The following DIDO1 variants were observed in gnomAD, a reference collection of about 807,000 sequenced individuals.
The protein encoded by DIDO1 is death-inducer obliterator 1.
Under a neutral mutation model 99.4 loss-of-function variants are expected in DIDO1, and 16 were observed. That is an observed-to-expected ratio of 0.16 (90% CI 0.11 to 0.24). The LOEUF (loss-of-function observed/expected upper bound fraction) is 0.24. DIDO1 is among the 10% of genes least tolerant of loss of function. DIDO1 has a pLI of 1.00. For synonymous variants in DIDO1, 1,366 were observed against 1,239.1 expected (o/e 1.10, Z -2.15); for missense variants, 2,996 against 3,014.0 (o/e 0.99, Z 0.14).
chr20:62,905,319 T>C (rs2064776526), intron 6 of DIDO1: 6 of 1,423,498 alleles, frequency 4.2e-6, no homozygotes, highest in South Asian at 3.0e-5. Flanking sequence ...TGTGGGTGTG[T>C]AGCGTGTGAA....
upstream of DIDO1, chr20:62,928,589 G>A (rs562703131): frequency 1.3e-5 from 2 of 152,356 alleles, no homozygotes; most frequent in African/African-American, 2.4e-5. Context: ...TACAGTCTGG[G>A]TATTTGAATT....
chr20:62,930,311 C>T (rs532456770), upstream of DIDO1, among the ~76,000 whole-genome samples: 1 of 152,140 alleles, frequency 6.6e-6, no homozygotes, highest in Non-Finnish European at 1.5e-5. Flanking sequence ...AAGGCAACTT[C>T]ACAGAATTCA....
upstream of DIDO1, chr20:62,929,120 C>G (rs919291271): frequency 2.0e-5 from 3 of 152,252 alleles, no homozygotes; most frequent in Non-Finnish European, 4.4e-5. Flanking sequence ...CGCTTAGTCC[C>G]GTGAAAGCGA....
chr20:62,882,667 T>G (rs2064231519), intron 15 of DIDO1, among the ~76,000 whole-genome samples: 1 of 152,110 alleles, frequency 6.6e-6, no homozygotes, highest in Non-Finnish European at 1.5e-5. Context: ...CGGAGCCATG[T>G]GAAGGGGGCG....
intron 6 of DIDO1, among the ~76,000 whole-genome samples, chr20:62,898,724 T>C (rs1444648601): frequency 6.6e-6 from 1 of 152,172 alleles, no homozygotes; most frequent in Non-Finnish European, 1.5e-5. Flanking sequence ...CACTCATTCC[T>C]GTTGGAGCTG....
rs2064144609 is a variant in DIDO1 at position 62,878,715 on chromosome 20, T to C, written c.*518A>G. On this transcript the variant is annotated 3_prime_UTR_variant, in exon 16 of 16. Transcript: ENST00000395343. ...TCCCAGTTGAAAATTGTAATTCCAATTTTATGACAAAAGAAAGATGCATTT... is the reference window on the plus strand; with the variant it reads ...TCCCAGTTGAAAATTGTAATTCCAACTTTATGACAAAAGAAAGATGCATTT... 1 of 152,408 alleles carries C rather than the reference T, an allele frequency of 6.6e-6. No individual in the cohort carries two copies. Among genetic ancestry groups the C allele is most frequent in the Admixed American group, 6.5e-5 (1 of 15,294 alleles). 9.4% of individuals were successfully genotyped at this position (152,408 alleles called of 1,614,324 possible).
In DIDO1 at chr20:62,880,456, G is replaced by A; in HGVS notation, c.5500C>T (p.Pro1834Ser). ...AATTGGGATGGTGCCACTCCTCGTG[G>A]TCCACCAAGGTAAGAGGGTGAGGGG... ...RGPSPSYLGG[P>S]RGVAPSQFEE... is the part of the protein sequence containing the mutation. The change falls in exon 16 of 16, where the codon CCA (proline) becomes TCA (serine). Residue 1834 changes from proline (P) to serine (S), a missense_variant. Pro to Ser is a moderately conservative substitution (Grantham distance 74, BLOSUM62 -1). This residue lies in a region of DIDO1 where 1,562 missense variants were observed against 1,412.6 expected (regional missense o/e 1.11). Coordinates refer to ENST00000395343, the MANE Select transcript of DIDO1 (RefSeq NM_001193369.2). The A allele has an allele frequency of 6.2e-7, 1 of 1,612,926 alleles. No individual in the cohort carries two copies. Among genetic ancestry groups the A allele is most frequent in the Non-Finnish European group, 8.5e-7 (1 of 1,180,010 alleles).
intron 6 of DIDO1, among the ~76,000 whole-genome samples, chr20:62,903,570 G>C (rs981891634): frequency 6.6e-6 from 1 of 152,236 alleles, no homozygotes; most frequent in Non-Finnish European, 1.5e-5. Flanking sequence ...GCCTACAAAA[G>C]TGCAGAGGTG....
In DIDO1 at chr20:62,881,672, G is replaced by T; in HGVS notation, c.4284C>A (p.Pro1428=). ...CTTCTTCTAAGATGGTCTCATCCTCGGGGTCATAGGCCACCTCTTCCCGCT... is the reference window on the plus strand; with the variant it reads ...CTTCTTCTAAGATGGTCTCATCCTCTGGGTCATAGGCCACCTCTTCCCGCT... The part of the protein sequence containing the change: ...AAEREEVAYD[P]EDETILEEAK... Residue 1428 remains proline (P), a synonymous_variant, in exon 16 of 16, where the codon CCC becomes CCA. Transcript: ENST00000395343. The surrounding 1 kb of genome is among the most constrained non-coding windows in gnomAD (Gnocchi z 8.3). The T allele has an allele frequency of 6.2e-7, 1 of 1,612,716 alleles. No individual in the cohort carries two copies. Among genetic ancestry groups the T allele is most frequent in the Non-Finnish European group, 8.5e-7 (1 of 1,180,008 alleles).
At position 62,879,485 on chromosome 20, in the gene DIDO1, G is replaced by A. The variant is rs2064158805; in HGVS notation, c.6471C>T (p.Arg2157=). The A allele has an allele frequency of 7.6e-6, 12 of 1,588,602 alleles. No individual in the cohort carries two copies. The highest frequency in any genetic ancestry group is 1.7e-4 in the Middle Eastern group (1 of 6,048). The change falls in exon 16 of 16, where the codon CGC becomes CGT. Residue 2157 remains arginine, a synonymous_variant. Coordinates refer to ENST00000395343, the MANE Select transcript of DIDO1 (RefSeq NM_001193369.2). The surrounding 1 kb of genome is among the most constrained non-coding windows in gnomAD (Gnocchi z 6.3). The part of the protein sequence containing the change: ...WDRNRERSAN[R]DREREADRGK... ...CCCGGTCGGCCTCGCGCTCTCGGTC[G>A]CGGTTGGCGCTCCTCTCCCGGTTTC...
At chr20:62,895,820 C>T (rs1308900048) in intron 8 of DIDO1, among the ~76,000 whole-genome samples, 1 of 152,212 alleles carries the variant, frequency 6.6e-6, no homozygotes, top group Non-Finnish European at 1.5e-5. Flanking sequence ...AACCATCAGG[C>T]TCACTCGGCT....
chr20:62,896,989 C>T lies in DIDO1; in HGVS notation c.1596G>A (p.Lys532=). Residue 532 remains lysine (K), a synonymous_variant, in exon 7 of 16, where the codon AAG becomes AAA. Coordinates refer to ENST00000395343, the MANE Select transcript of DIDO1 (RefSeq NM_001193369.2). This position sits in a 1 kb window ranked among gnomAD's most constrained non-coding sequence, Gnocchi z 4.4. ...PSPSLLYKST[K]EDRRSEEKAA... ...CTTTCTCCTCGGACCTCCTGTCTTC[C>T]TTCGTGGCTACAAAGAAGAACACAG... 1.9e-6 allele frequency: 3 copies of T among 1,610,708 alleles called. No individual in the cohort carries two copies. The highest frequency in any genetic ancestry group is 2.5e-6 in the Non-Finnish European group (3 of 1,178,440).
intron 1 of DIDO1, among the ~76,000 whole-genome samples, chr20:62,937,086 T>A (rs559088390): frequency 1.3e-5 from 2 of 152,328 alleles, no homozygotes; most frequent in East Asian, 1.9e-4. Context: ...CCGACCGACA[T>A]AGCTTACACG....
chr20:62,885,202 A>G (rs1411899109), intron 15 of DIDO1, among the ~76,000 whole-genome samples: 1 of 152,208 alleles, frequency 6.6e-6, no homozygotes, highest in Admixed American at 6.5e-5. Flanking sequence ...CTCTGCCTGC[A>G]GAACCTGACA....
At chr20:62,932,409 G>A (rs766591367) in intron 1 of DIDO1, among the ~76,000 whole-genome samples, 3 of 152,194 alleles carry the variant, frequency 2.0e-5, no homozygotes, top group African/African-American at 4.8e-5. Flanking sequence ...CTATCCACAT[G>A]TATGTGTGTA....
intron 1 of DIDO1, among the ~76,000 whole-genome samples, chr20:62,923,603 T>A (rs1297537543): frequency 6.6e-6 from 1 of 152,242 alleles, no homozygotes. Flanking sequence ...CGTTCACTAG[T>A]GCAAAACAGC....
At chr20:62,899,964 T>C (rs1453983415) in intron 6 of DIDO1, among the ~76,000 whole-genome samples, 2 of 152,246 alleles carry the variant, frequency 1.3e-5, no homozygotes, top group African/African-American at 4.8e-5. Flanking sequence ...TAAAATTCAA[T>C]TTGCAAGTTC....
intron 6 of DIDO1, chr20:62,904,885 T>G (rs2064766907): frequency 1.4e-6 from 1 of 724,558 alleles, no homozygotes. Context: ...GGGAATCTGC[T>G]CAAAGTCTGA....
At chr20:62,900,228 T>A (rs750048102) in intron 6 of DIDO1, among the ~76,000 whole-genome samples, 9 of 152,208 alleles carry the variant, frequency 5.9e-5, no homozygotes, top group Non-Finnish European at 8.8e-5. Context: ...CGCAGTGCTG[T>A]CTCCTTTAGC....
Sources: allele counts gnomAD v4.1 joint callset (sites outside exome capture counted in the v4.1 genomes callset), GRCh38; gene constraint gnomAD v4.1.1; regional missense constraint gnomAD v4.1.1; non-coding constraint Gnocchi (gnomAD v3.1); transcripts MANE v1.5; gene names NCBI Gene and HGNC (gene_info 2026-07-23, HGNC 2026-07-21).